The following YEATS2 variants were observed in gnomAD, a reference collection of about 807,000 sequenced individuals.
YEATS2 encodes the protein YEATS domain containing 2, also known as YEATS domain-containing protein 2.
Under a neutral mutation model 163.2 loss-of-function variants are expected in YEATS2, and 77 were observed. The ratio of observed to expected loss-of-function variants is 0.47; its 90% CI spans 0.39 to 0.57. YEATS2 has a LOEUF of 0.57. Ranked by LOEUF, YEATS2 falls within the 20% of genes least tolerant of loss-of-function variation. The pLI is 0.00. For synonymous variants in YEATS2, 631 were observed against 645.1 expected, an observed-to-expected ratio of 0.98 and a Z score of 0.33; for missense variants, 1,549 against 1,729.8, an observed-to-expected ratio of 0.90 and a Z score of 1.85.
chr3:183,767,565 T>C (rs1419000146), intron 15 of YEATS2, among the ~76,000 whole-genome samples: 1 of 152,082 alleles, frequency 6.6e-6, no homozygotes, highest in African/African-American at 2.4e-5. Context: ...GTATTTTTAG[T>C]AGAGACAGGG....
chr3:183,764,492 T>G (rs1364563219), intron 15 of YEATS2, among the ~76,000 whole-genome samples: 1 of 151,202 alleles, frequency 6.6e-6, no homozygotes, highest in Admixed American at 6.6e-5. Flanking sequence ...ATTTTAGCTA[T>G]CAGATAGAGA....
intron 1 of YEATS2, among the ~76,000 whole-genome samples, chr3:183,699,652 G>C (rs78942571): frequency 6.6e-6 from 1 of 150,594 alleles, no homozygotes; most frequent in East Asian, 1.9e-4. Flanking sequence ...TGAAAAGGGC[G>C]CAGACACTCA....
At chr3:183,750,349 C>T (rs1720035150) in intron 9 of YEATS2, among the ~76,000 whole-genome samples, 1 of 152,218 alleles carries the variant, frequency 6.6e-6, no homozygotes, top group Admixed American at 6.5e-5. Context: ...ACTTGCGTTG[C>T]TTCCAGCTTT....
In YEATS2 at chr3:183,718,565, T is replaced by A. The variant is rs753608341; in HGVS notation, c.264T>A (p.Ala88=). 7.4e-6 allele frequency: 12 copies of A among 1,612,988 alleles called. No homozygotes were observed. The East Asian group carries it at 2.5e-4, about 33-fold the overall frequency. Residue 88 remains alanine, a synonymous_variant, in exon 4 of 31, where the codon GCT becomes GCA. Transcript: ENST00000305135. ...CCTGCATTGTAGCAAACTACTATGCTTCTGCAGGTCTTCTAAAAGTTTCTG... is the reference window on the plus strand; with the variant it reads ...CCTGCATTGTAGCAAACTACTATGCATCTGCAGGTCTTCTAAAAGTTTCTG... ...LRACIVANYY[A]SAGLLKVSEG...
intron 1 of YEATS2, among the ~76,000 whole-genome samples, chr3:183,706,687 A>C (rs1295649982): frequency 6.6e-6 from 1 of 152,180 alleles, no homozygotes; most frequent in African/African-American, 2.4e-5. Context: ...GCGGTGGCGC[A>C]TACTTGTAAT....
At chr3:183,762,525 G>C (rs1721476296) in intron 15 of YEATS2, among the ~76,000 whole-genome samples, 1 of 152,218 alleles carries the variant, frequency 6.6e-6, no homozygotes, top group Admixed American at 6.5e-5. Context: ...GGGGAACACT[G>C]CTGTCTCTGG....
intron 5 of YEATS2, among the ~76,000 whole-genome samples, chr3:183,724,085 C>T (rs1210573027): frequency 3.9e-5 from 6 of 152,024 alleles, no homozygotes; most frequent in African/African-American, 1.2e-4. Context: ...GGGTAAATTC[C>T]ATTGACCCCT....
chr3:183,759,231 T>C (rs1721091454), intron 13 of YEATS2, among the ~76,000 whole-genome samples: 1 of 152,184 alleles, frequency 6.6e-6, no homozygotes, highest in African/African-American at 2.4e-5. Flanking sequence ...TAAAATGGAA[T>C]CTTCAAGCTG....
intron 15 of YEATS2, among the ~76,000 whole-genome samples, chr3:183,771,470 C>T (rs1277335702): frequency 7.4e-6 from 1 of 135,934 alleles, no homozygotes; most frequent in Non-Finnish European, 1.6e-5. Flanking sequence ...ACTTTTGGAA[C>T]TAGATACTTC....
chr3:183,716,438 G>C (rs1715888300), intron 2 of YEATS2, among the ~76,000 whole-genome samples: 1 of 152,148 alleles, frequency 6.6e-6, no homozygotes, highest in African/African-American at 2.4e-5. Flanking sequence ...ATTTCTGTAA[G>C]AGCAGTGAAG....
chr3:183,793,606 T>TTTA, intron 21 of YEATS2: 3 of 197,020 alleles, frequency 1.5e-5, no homozygotes, highest in Non-Finnish European at 2.4e-5. Flanking sequence ...ATTTTCTTTC[T>TTTA]TTCTTTTTTT....
chr3:183,764,045 G>A (rs190232097), intron 15 of YEATS2, among the ~76,000 whole-genome samples: 1 of 152,052 alleles, frequency 6.6e-6, no homozygotes, highest in Non-Finnish European at 1.5e-5. Context: ...TTCAGCCTGG[G>A]TGACAGAGGG....
chr3:183,774,938 A>G (rs1176043530), intron 17 of YEATS2, among the ~76,000 whole-genome samples: 2 of 152,246 alleles, frequency 1.3e-5, no homozygotes, highest in Admixed American at 6.5e-5. Context: ...TTCTTGTGAT[A>G]TCCTTGGTGC....
At chr3:183,753,821 A>T (rs1172262958) in intron 10 of YEATS2, among the ~76,000 whole-genome samples, 1 of 152,192 alleles carries the variant, frequency 6.6e-6, no homozygotes, top group Non-Finnish European at 1.5e-5. Flanking sequence ...TTTCTTCTCT[A>T]AACAGTTTTT....
At chr3:183,704,580 T>C (rs1714428497) in intron 1 of YEATS2, among the ~76,000 whole-genome samples, 2 of 152,166 alleles carry the variant, frequency 1.3e-5, no homozygotes, top group African/African-American at 2.4e-5. Context: ...TTTCTACATT[T>C]TGCAGTAATT....
chr3:183,735,189 A>G (rs1416986162), intron 7 of YEATS2, among the ~76,000 whole-genome samples: 1 of 152,248 alleles, frequency 6.6e-6, no homozygotes, highest in Non-Finnish European at 1.5e-5. Flanking sequence ...GAAGTTCAGC[A>G]TTCAGTGTGA....
chr3:183,702,146 G>A (rs959662202), intron 1 of YEATS2, among the ~76,000 whole-genome samples: 1 of 152,100 alleles, frequency 6.6e-6, no homozygotes, highest in Admixed American at 6.6e-5. Context: ...CAGATGATAT[G>A]GAAACAATCT....
intron 1 of YEATS2, among the ~76,000 whole-genome samples, chr3:183,708,833 C>T (rs1162878530): frequency 1.3e-5 from 2 of 152,112 alleles, no homozygotes; most frequent in Non-Finnish European, 2.9e-5. Context: ...CACTGTACTC[C>T]AGTCTGGATG....
chr3:183,798,526 G>A (rs987435000), intron 22 of YEATS2, among the ~76,000 whole-genome samples: 2 of 151,966 alleles, frequency 1.3e-5, no homozygotes, highest in South Asian at 2.1e-4. Flanking sequence ...GCTAATTTTC[G>A]TATTTTTAGT....
Sources: allele counts gnomAD v4.1 joint callset (sites outside exome capture counted in the v4.1 genomes callset), GRCh38; gene constraint gnomAD v4.1.1; transcripts MANE v1.5; gene names NCBI Gene and HGNC (gene_info 2026-07-23, HGNC 2026-07-21).